Variants in CWH43 observed in about 807,000 individuals in gnomAD.
CWH43 encodes the protein PGAP2-interacting protein.
A neutral mutation model predicts 85.7 loss-of-function variants in CWH43; 91 were observed. The ratio of observed to expected loss-of-function variants is 1.06; its 90% CI spans 0.90 to 1.26. CWH43 has a LOEUF of 1.26. Among genes scored for constraint, CWH43 ranks in the 50% most tolerant of loss-of-function variants. The pLI, the probability that CWH43 is intolerant of heterozygous loss-of-function variation, is 0.00. For synonymous variants in CWH43, 323 were observed against 293.6 expected, an observed-to-expected ratio of 1.10 and a Z score of -1.02; for missense variants, 869 against 839.2, an observed-to-expected ratio of 1.04 and a Z score of -0.44.
At position 49,060,911 on chromosome 4, in the gene CWH43, T is replaced by C. The variant is rs1785136416; in HGVS notation, c.2022-901T>C. ...ATATGTATGTGCGTATATCTGTGTGTATATGTGTGTTTTTGTTCTATTTGC... is the reference window on the plus strand; with the variant it reads ...ATATGTATGTGCGTATATCTGTGTGCATATGTGTGTTTTTGTTCTATTTGC... On this transcript the variant is annotated intron_variant, in intron 15 of 15. Transcript: ENST00000226432. Among the ~76,000 whole-genome samples, 3 of 152,330 alleles carry C rather than the reference T, an allele frequency of 2.0e-5. No homozygotes were observed. In the South Asian group the frequency reaches 6.2e-4, roughly 32 times the overall value.
At chr4:49,042,729 T>C (rs1784503772) in intron 13 of CWH43, among the ~76,000 whole-genome samples, 2 of 151,510 alleles carry the variant, frequency 1.3e-5, no homozygotes, top group South Asian at 2.1e-4. Context: ...ATCATGGGGG[T>C]GTAGGTGAAG....
At position 48,994,655 on chromosome 4, in the gene CWH43, G is replaced by C; in HGVS notation, c.548G>C (p.Gly183Ala). The change falls in exon 5 of 16, where the codon GGT becomes GCT. Residue 183 changes from glycine to alanine, a missense_variant. By Grantham distance (60) the Gly-to-Ala change is moderately conservative. Coordinates refer to ENST00000226432, the MANE Select transcript of CWH43 (RefSeq NM_025087.3). ...AGTAAACCTGAAGAAAAGAAGACTG[G>C]TGAGGTAGCCACGGGGATGGCCTCT... is the stretch of plus-strand genomic sequence containing the variant. ...DCSKPEEKKT[G>A]EVATGMASRP... The C allele has an allele frequency of 6.2e-7, 1 of 1,614,124 alleles. No homozygotes were observed. The highest frequency in any genetic ancestry group is 8.5e-7 in the Non-Finnish European group (1 of 1,180,006).
At chr4:49,055,328 A>G (rs1334436849) in intron 15 of CWH43, among the ~76,000 whole-genome samples, 1 of 152,270 alleles carries the variant, frequency 6.6e-6, no homozygotes, top group Non-Finnish European at 1.5e-5. Flanking sequence ...CATATATTTA[A>G]CTATCCTTGC....
In CWH43 at chr4:49,050,810, A is replaced by G. The variant is rs1560515780; in HGVS notation, c.1982A>G (p.Asp661Gly). The G allele has an allele frequency of 1.2e-6, 2 of 1,612,890 alleles. No homozygotes were observed. The highest frequency in any genetic ancestry group is 8.5e-7 in the Non-Finnish European group (1 of 1,179,384). Residue 661 changes from aspartate to glycine, a missense_variant, in exon 15 of 16, where the codon GAC (aspartate) becomes GGC (glycine). Physicochemically the swap from Asp to Gly is moderately conservative, Grantham distance 94. This residue lies in a region of CWH43 where 577 missense variants were observed against 513.1 expected (regional missense o/e 1.12). Coordinates refer to ENST00000226432, the MANE Select transcript of CWH43 (RefSeq NM_025087.3). ...NYRDNQKVVI[D>G]HREVSEKIHF... ...AGAGACAACCAGAAAGTGGTCATAG[A>G]CCACAGAGAAGTTTCTGAGAAAATT...
At chr4:49,033,103 C>T (rs1479125041) in intron 12 of CWH43, among the ~76,000 whole-genome samples, 1 of 152,168 alleles carries the variant, frequency 6.6e-6, no homozygotes, top group African/African-American at 2.4e-5. Context: ...ACAGCCAGGG[C>T]ATAGGCAGTC....
intron 1 of CWH43, chr4:48,986,713 G>A (rs1387116207): frequency 1.5e-6 from 2 of 1,350,628 alleles, no homozygotes; most frequent in Admixed American, 7.2e-5. Flanking sequence ...CGTCGCCCGA[G>A]TTCCCAGCAG....
chr4:48,988,673 G>C lies in CWH43; in HGVS notation c.235+5G>C. ...TGCTGAGGATAATCACTATTGGTAA[G>C]ATTTAAAAGAGTTTCTTTAAGTTGT... is the stretch of plus-strand genomic sequence containing the variant. On this transcript the variant is annotated splice_donor_5th_base_variant and intron_variant, in intron 2 of 15. Transcript: ENST00000226432. 6.4e-7 allele frequency: 1 copy of C among 1,560,494 alleles called. No homozygotes were observed. The highest frequency in any genetic ancestry group is 8.7e-7 in the Non-Finnish European group (1 of 1,154,372).
At chr4:49,052,602 A>T (rs1240749807) in intron 15 of CWH43, among the ~76,000 whole-genome samples, 2 of 152,226 alleles carry the variant, frequency 1.3e-5, no homozygotes, top group Non-Finnish European at 2.9e-5. Context: ...TATTCTTCAC[A>T]TAGCAGGAGT....
At chr4:49,022,037 C>T (rs1783764623) in intron 9 of CWH43, among the ~76,000 whole-genome samples, 1 of 152,066 alleles carries the variant, frequency 6.6e-6, no homozygotes, top group African/African-American at 2.4e-5. Context: ...GTTTGATACC[C>T]TTTATTTTTT....
chr4:49,049,744 C>G (rs940978244), intron 14 of CWH43, among the ~76,000 whole-genome samples: 2 of 152,124 alleles, frequency 1.3e-5, no homozygotes, highest in African/African-American at 2.4e-5. Flanking sequence ...ATGGCTTGAT[C>G]CCTCCCTTCG....
At chr4:48,995,023 A>T (rs1230905977) in intron 5 of CWH43, among the ~76,000 whole-genome samples, 1 of 152,206 alleles carries the variant, frequency 6.6e-6, no homozygotes, top group Non-Finnish European at 1.5e-5. Context: ...AGGATTGCTG[A>T]AAAGTAGATG....
At chr4:49,024,040 A>G (rs1050608605) in intron 9 of CWH43, among the ~76,000 whole-genome samples, 5 of 152,116 alleles carry the variant, frequency 3.3e-5, no homozygotes, top group South Asian at 4.1e-4. Flanking sequence ...TTAGGTGCAT[A>G]TATATTTAGG....
intron 2 of CWH43, among the ~76,000 whole-genome samples, chr4:48,989,272 A>T (rs943746914): frequency 6.6e-6 from 1 of 152,220 alleles, no homozygotes; most frequent in African/African-American, 2.4e-5. Context: ...ACACATACAG[A>T]TATGTTTATC....
chr4:48,989,473 T>C (rs1213270406), intron 2 of CWH43, among the ~76,000 whole-genome samples: 1 of 152,244 alleles, frequency 6.6e-6, no homozygotes, highest in African/African-American at 2.4e-5. Context: ...TCTAGGAATA[T>C]ATCCTACAGA....
intron 14 of CWH43, among the ~76,000 whole-genome samples, chr4:49,045,349 TA>T (rs1784590856): frequency 6.6e-6 from 1 of 152,206 alleles, no homozygotes; most frequent in Non-Finnish European, 1.5e-5. Flanking sequence ...TACCCGAGTA[TA>T]TCACATACAT....
chr4:48,997,789 A>G (rs563595772), intron 5 of CWH43, among the ~76,000 whole-genome samples: 1 of 152,320 alleles, frequency 6.6e-6, no homozygotes, highest in Non-Finnish European at 1.5e-5. Flanking sequence ...AATTAAATGA[A>G]TAATAATTAC....
intron 14 of CWH43, among the ~76,000 whole-genome samples, chr4:49,046,990 G>C (rs1399753106): frequency 6.6e-6 from 1 of 152,170 alleles, no homozygotes; most frequent in Non-Finnish European, 1.5e-5. Flanking sequence ...GGGCTCCTAG[G>C]ACTGACTTCC....
At chr4:48,995,866 C>A (rs1305944778) in intron 5 of CWH43, among the ~76,000 whole-genome samples, 3 of 152,098 alleles carry the variant, frequency 2.0e-5, no homozygotes, top group Non-Finnish European at 4.4e-5. Flanking sequence ...TCCTAATTGT[C>A]TCTCTTTAGC....
chr4:48,994,623 T>C lies in CWH43; in HGVS notation c.516T>C (p.Gly172=), dbSNP rs760252951. The change falls in exon 5 of 16, where the codon GGT becomes GGC. Residue 172 remains glycine, a synonymous_variant. Coordinates refer to ENST00000226432, the MANE Select transcript of CWH43 (RefSeq NM_025087.3). The part of the protein sequence containing the change: ...IATLDRIGTD[G]DCSKPEEKKT... Reference sequence around the variant, plus strand: ...ATATGTATTTTTAAATTCTAGATGGTGACTGCAGTAAACCTGAAGAAAAGA... The same window carrying C: ...ATATGTATTTTTAAATTCTAGATGGCGACTGCAGTAAACCTGAAGAAAAGA... The C allele has an allele frequency of 2.5e-6, 4 of 1,610,148 alleles. No homozygotes were observed. The highest frequency in any genetic ancestry group is 2.5e-6 in the Non-Finnish European group (3 of 1,179,002).
Sources: allele counts gnomAD v4.1 joint callset (sites outside exome capture counted in the v4.1 genomes callset), GRCh38; gene constraint gnomAD v4.1.1; regional missense constraint gnomAD v4.1.1; transcripts MANE v1.5; gene names NCBI Gene and HGNC (gene_info 2026-07-23, HGNC 2026-07-21).